Variants in SSBP2 observed in about 807,000 individuals in gnomAD.
SSBP2 encodes the protein single stranded DNA binding protein 2.
Under a neutral mutation model 61.8 loss-of-function variants are expected in SSBP2, and 17 were observed. The ratio of observed to expected loss-of-function variants is 0.28; its 90% CI spans 0.19 to 0.41. The LOEUF is 0.41. Ranked by LOEUF, SSBP2 falls within the 10% of genes least tolerant of loss-of-function variation. The pLI is 1.00. For synonymous variants in SSBP2, 139 were observed against 141.3 expected, an observed-to-expected ratio of 0.98 and a Z score of 0.12; for missense variants, 310 against 458.7, an observed-to-expected ratio of 0.68 and a Z score of 2.96.
chr5:81,629,218 C>T (rs1386350518), intron 3 of SSBP2, among the ~76,000 whole-genome samples: 2 of 152,184 alleles, frequency 1.3e-5, no homozygotes, highest in Admixed American at 6.5e-5. Context: ...CTCCTGACCT[C>T]AGGTGATCCA....
chr5:81,718,651 T>A (rs1755338277), intron 1 of SSBP2, among the ~76,000 whole-genome samples: 1 of 152,216 alleles, frequency 6.6e-6, no homozygotes, highest in Non-Finnish European at 1.5e-5. Context: ...CTACGTTAGT[T>A]AAATTTATTA....
intron 9 of SSBP2, among the ~76,000 whole-genome samples, chr5:81,464,193 T>C (rs111542201): frequency 2.6e-5 from 4 of 152,192 alleles, no homozygotes; most frequent in African/African-American, 9.7e-5. Flanking sequence ...TTTGGCCTCG[T>C]AGTATTGCTT....
At chr5:81,451,903 G>A (rs1361806283) in intron 10 of SSBP2, among the ~76,000 whole-genome samples, 1 of 152,160 alleles carries the variant, frequency 6.6e-6, no homozygotes, top group African/African-American at 2.4e-5. Flanking sequence ...CATAGTCTTT[G>A]ATGTCTTTAT....
chr5:81,500,112 T>C (rs1767587865), intron 5 of SSBP2, among the ~76,000 whole-genome samples: 1 of 152,232 alleles, frequency 6.6e-6, no homozygotes, highest in African/African-American at 2.4e-5. Context: ...TACTTGCATA[T>C]TCATTTGGTT....
intron 13 of SSBP2, 152 bp from the exon 14 acceptor site, chr5:81,440,788 G>T: frequency 3.4e-6 from 2 of 585,148 alleles, no homozygotes; most frequent in South Asian, 2.3e-5. Context: ...TCAGCCTTGT[G>T]GATTCTCTAA....
At chr5:81,675,797 A>G (rs922866408) in intron 1 of SSBP2, among the ~76,000 whole-genome samples, 1 of 152,098 alleles carries the variant, frequency 6.6e-6, no homozygotes, top group African/African-American at 2.4e-5. Flanking sequence ...CAAAGTTAAA[A>G]CATCAAATCA....
intron 10 of SSBP2, among the ~76,000 whole-genome samples, chr5:81,457,735 C>T (rs1764260429): frequency 6.6e-6 from 1 of 151,822 alleles, no homozygotes; most frequent in African/African-American, 2.4e-5. Flanking sequence ...GATCTCGGCT[C>T]ACTGCAACCT....
In SSBP2 at chr5:81,417,434, T is replaced by G. The variant is rs1761353361; in HGVS notation, c.*3070A>C. 6.6e-6 allele frequency: 1 copy of G among 152,214 alleles called. No homozygotes were observed. Among genetic ancestry groups the G allele is most frequent in the Non-Finnish European group, 1.5e-5 (1 of 68,040 alleles). The allele number at this position is 152,214 out of a possible 1,614,324, so 9.4% of individuals were successfully genotyped here. A position where few individuals can be genotyped will look rare whatever the true frequency, so the allele number is the denominator to read the frequency against. ...AGAATGCAAAGCAGAGTAACAAGATTTTACCTACTGCTTACTTTTTCATTT... is the reference window on the plus strand; with the variant it reads ...AGAATGCAAAGCAGAGTAACAAGATGTTACCTACTGCTTACTTTTTCATTT... On this transcript the variant is annotated 3_prime_UTR_variant, in exon 17 of 17. Transcript: ENST00000320672.
chr5:81,633,108 CTTTTT>C (rs143423636), intron 3 of SSBP2, among the ~76,000 whole-genome samples: 49 of 64,852 alleles, frequency 7.6e-4, no homozygotes, highest in African/African-American at 3.3e-3. Context: ...GAGCCTCTGT[CTTTTT>C]TTTTTTTTTT....
chr5:81,655,855 T>C (rs1750162440), intron 1 of SSBP2, among the ~76,000 whole-genome samples: 1 of 152,174 alleles, frequency 6.6e-6, no homozygotes, highest in Non-Finnish European at 1.5e-5. Flanking sequence ...GGTCTCCAGT[T>C]CTGACAGTCA....
At chr5:81,630,288 A>C (rs781338877) in intron 3 of SSBP2, among the ~76,000 whole-genome samples, 18 of 152,206 alleles carry the variant, frequency 1.2e-4, no homozygotes, top group Non-Finnish European at 2.2e-4. Context: ...GTCCAGGTTG[A>C]AAGAGTTAAG....
intron 4 of SSBP2, among the ~76,000 whole-genome samples, chr5:81,608,638 C>A (rs1388079210): frequency 6.6e-6 from 1 of 152,246 alleles, no homozygotes; most frequent in Middle Eastern, 3.4e-3. Flanking sequence ...ATTCAAATGA[C>A]TAAAATAAGC....
intron 1 of SSBP2, among the ~76,000 whole-genome samples, chr5:81,670,037 G>A (rs562403791): frequency 5.9e-5 from 9 of 152,228 alleles, no homozygotes; most frequent in African/African-American, 1.7e-4. Flanking sequence ...GCCACAGAAT[G>A]CAGGATTTTT....
At chr5:81,475,250 TA>T (rs1765509269) in intron 6 of SSBP2, among the ~76,000 whole-genome samples, 3 of 152,144 alleles carry the variant, frequency 2.0e-5, no homozygotes, top group Non-Finnish European at 4.4e-5. Flanking sequence ...AGCATACACA[TA>T]TACATAAAAT....
At chr5:81,551,979 CAT>C (rs1772227611) in intron 4 of SSBP2, among the ~76,000 whole-genome samples, 1 of 152,146 alleles carries the variant, frequency 6.6e-6, no homozygotes, top group Non-Finnish European at 1.5e-5. Context: ...TTAATTGAAT[CAT>C]AAAAGGTATC....
rs1485194365 is a variant in SSBP2, at chr5:81,581,414, A to AT, written c.282+34058dup. On this transcript the variant is annotated intron_variant, in intron 4 of 16. Coordinates refer to ENST00000320672, the MANE Select transcript of SSBP2 (RefSeq NM_012446.5). The stretch of plus-strand genomic sequence containing the variant: ...AAAATCTGTTACTTTATACCTTACA[A>AT]TTTTGTGAAGGCTGTATCATGTTAA... Among the ~76,000 whole-genome samples the AT allele has an allele frequency of 2.0e-5, 3 of 152,298 alleles. No homozygotes were observed. In the East Asian group the frequency reaches 5.8e-4, roughly 29 times the overall value.
At chr5:81,562,301 T>G (rs1440994650) in intron 4 of SSBP2, among the ~76,000 whole-genome samples, 2 of 152,226 alleles carry the variant, frequency 1.3e-5, no homozygotes, top group Non-Finnish European at 2.9e-5. Context: ...CTACTTATTT[T>G]CATTGCCTAC....
At chr5:81,495,123 G>C (rs1185478849) in intron 5 of SSBP2, among the ~76,000 whole-genome samples, 1 of 151,894 alleles carries the variant, frequency 6.6e-6, no homozygotes, top group Non-Finnish European at 1.5e-5. Context: ...AATTCCCTAA[G>C]AATTAGAAGG....
chr5:81,576,433 G>C (rs1774221187), intron 4 of SSBP2, among the ~76,000 whole-genome samples: 1 of 151,978 alleles, frequency 6.6e-6, no homozygotes, highest in Non-Finnish European at 1.5e-5. Context: ...CTAGTAAATG[G>C]TGTAAGTATC....
Sources: allele counts gnomAD v4.1 joint callset (sites outside exome capture counted in the v4.1 genomes callset), GRCh38; gene constraint gnomAD v4.1.1; transcripts MANE v1.5; gene names NCBI Gene and HGNC (gene_info 2026-07-23, HGNC 2026-07-21).